ZNF624: variants seen among roughly 807,000 people sequenced by gnomAD.
ZNF624 encodes zinc finger protein 624.
ZNF624 carries 43 observed loss-of-function variants against 74.7 expected under a neutral mutation model. That is an observed-to-expected ratio of 0.58 (90% CI 0.45 to 0.74). The LOEUF (loss-of-function observed/expected upper bound fraction) is 0.74. Among genes scored for constraint, ZNF624 ranks in the 30% least tolerant of loss-of-function variants. ZNF624 has a pLI of 0.00. For missense variants in ZNF624, 820 were observed against 1,030.0 expected (o/e 0.80, Z 2.79); for synonymous variants, 331 against 341.3 (o/e 0.97, Z 0.33).
chr17:16,633,796 G>T, intron 5 of ZNF624, 66 bp downstream of exon 5: 2 of 1,221,960 alleles, frequency 1.6e-6, no homozygotes, highest in Non-Finnish European at 2.4e-6. Flanking sequence ...CAGATGTTCT[G>T]GTGAACATCC....
chr17:16,623,766 G>A lies in ZNF624; in HGVS notation c.1120C>T (p.Arg374Cys), dbSNP rs868549698. 2.4e-5 allele frequency: 38 copies of A among 1,613,850 alleles called. No homozygotes were observed. The highest frequency in any genetic ancestry group is 3.0e-5 in the Non-Finnish European group (35 of 1,180,006). The stretch of plus-strand genomic sequence containing the variant: ...TGAATTCTCTGGTGCTGATTAAGAC[G>A]GGCACACTGGCTAAAAGATTTCCCA... ...VCGKSFSQCA[R>C]LNQHQRIQTG... The change falls in exon 6 of 6, where the codon CGT becomes TGT. Residue 374 changes from arginine (R) to cysteine (C), a missense_variant. Physicochemically the swap from Arg to Cys is radical, Grantham distance 180. Coordinates refer to ENST00000311331, the MANE Select transcript of ZNF624 (RefSeq NM_020787.4). The surrounding 1 kb of genome is among the most constrained non-coding windows in gnomAD (Gnocchi z 5.3).
chr17:16,636,421 A>G (rs943389316), intron 3 of ZNF624, among the ~76,000 whole-genome samples: 3 of 152,350 alleles, frequency 2.0e-5, no homozygotes, highest in Non-Finnish European at 2.9e-5. Context: ...TGCAACTACT[A>G]ATGAATTAAA....
intron 4 of ZNF624, 133 bp downstream of exon 4, chr17:16,634,497 G>A: frequency 2.2e-6 from 2 of 901,156 alleles, no homozygotes; most frequent in South Asian, 3.8e-5. Flanking sequence ...GTAGTTAAGA[G>A]TGAGGAATAG....
At chr17:16,647,451 A>C in intron 2 of ZNF624, 57 bp from the exon 3 acceptor site, 2 of 1,421,090 alleles carry the variant, frequency 1.4e-6, no homozygotes, top group Non-Finnish European at 2.0e-6. Flanking sequence ...CTTACAGCAG[A>C]GCCTCAACAA....
At position 16,621,945 on chromosome 17, in the gene ZNF624, C is replaced by A. The variant is rs757118489; in HGVS notation, c.*343G>T. The A allele has an allele frequency of 6.2e-5, 10 of 161,690 alleles. No homozygotes were observed. The highest frequency in any genetic ancestry group is 1.1e-4 in the Non-Finnish European group (8 of 74,858). 10.0% of individuals were successfully genotyped at this position (161,690 alleles called of 1,614,324 possible). ...CTACATAATGACAAAGGATTAATATCAAAAATATATAAAAAGCACCTCCAG... is the reference window on the plus strand; with the variant it reads ...CTACATAATGACAAAGGATTAATATAAAAAATATATAAAAAGCACCTCCAG... On this transcript the variant is annotated 3_prime_UTR_variant, in exon 6 of 6. Coordinates refer to ENST00000311331, the MANE Select transcript of ZNF624 (RefSeq NM_020787.4).
Position 16,623,065 on chromosome 17 carries a change from A to G in ZNF624, c.1821T>C (p.Thr607=), listed in dbSNP as rs146838657. Residue 607 remains threonine (T), a synonymous_variant, in exon 6 of 6, where the codon ACT becomes ACC. Coordinates refer to ENST00000311331, the MANE Select transcript of ZNF624 (RefSeq NM_020787.4). This position sits in a 1 kb window ranked among gnomAD's most constrained non-coding sequence, Gnocchi z 5.3. ...SHLTVHQRIH[T]GEKPYKCTDC... ...CAGTACATTTATATGGTTTCTCTCC[A>G]GTGTGAATTCTCTGATGTACAGTTA... 1.8e-5 allele frequency: 29 copies of G among 1,614,062 alleles called. No homozygotes were observed. In the African/African-American group the frequency reaches 2.5e-4, roughly 14 times the overall value.
rs1285521115 is a variant in ZNF624 at position 16,633,879 on chromosome 17, G to A, written c.359C>T (p.Ser120Leu). ...TAACTCACCAGGATAGGGAATTCTT[G>A]AAATTTCTCTCACCGTCACCCATGG... is the stretch of plus-strand genomic sequence containing the variant. The part of the protein sequence containing the change: ...KGPWVTVREI[S>L]RIPYPDMEPK... The change falls in exon 5 of 6, where the codon TCA (serine) becomes TTA (leucine). Residue 120 changes from serine to leucine, a missense_variant. By Grantham distance (145) the Ser-to-Leu change is moderately radical. Transcript: ENST00000311331. 2 of 1,613,312 alleles carry A rather than the reference G, an allele frequency of 1.2e-6. No individual in the cohort carries two copies. The highest frequency in any genetic ancestry group is 1.3e-5 in the African/African-American group (1 of 74,898).
In ZNF624 at chr17:16,621,515, T is replaced by C. The variant is rs1361203806; in HGVS notation, c.*773A>G. On this transcript the variant is annotated 3_prime_UTR_variant, in exon 6 of 6. Coordinates refer to ENST00000311331, the MANE Select transcript of ZNF624 (RefSeq NM_020787.4). Reference sequence around the variant, plus strand: ...AGTATGTTACACAACCTTTAAGTAATAGTACATGGTTTCCCAAACCCCAAT... The same window carrying C: ...AGTATGTTACACAACCTTTAAGTAACAGTACATGGTTTCCCAAACCCCAAT... 6.6e-6 allele frequency: 1 copy of C among 152,244 alleles called. No homozygotes were observed. The highest frequency in any genetic ancestry group is 1.5e-5 in the Non-Finnish European group (1 of 68,048). The allele number at this position is 152,244 out of a possible 1,614,324, so 9.4% of individuals were successfully genotyped here. A position where few individuals can be genotyped will look rare whatever the true frequency, so the allele number is the denominator to read the frequency against.
chr17:16,639,414 T>C (rs533898694), intron 3 of ZNF624, among the ~76,000 whole-genome samples: 1 of 152,338 alleles, frequency 6.6e-6, no homozygotes, highest in East Asian at 1.9e-4. Flanking sequence ...TCATAAACTT[T>C]ATTGTTAATC....
chr17:16,639,455 G>T (rs1909415825), intron 3 of ZNF624, among the ~76,000 whole-genome samples: 1 of 151,970 alleles, frequency 6.6e-6, no homozygotes, highest in South Asian at 2.1e-4. Flanking sequence ...CAATGTACTG[G>T]GTTTTGTTTT....
At chr17:16,645,298 CATG>C (rs1909561951) in intron 3 of ZNF624, among the ~76,000 whole-genome samples, 1 of 152,070 alleles carries the variant, frequency 6.6e-6, no homozygotes, top group South Asian at 2.1e-4. Flanking sequence ...ATTAGCCGGA[CATG>C]GTGGTGGGTG....
downstream of ZNF624, chr17:16,620,664 C>A (rs1908886295): frequency 6.6e-6 from 1 of 152,190 alleles, no homozygotes; most frequent in South Asian, 2.1e-4. Context: ...ACCTCTCCCC[C>A]TCATTGTATA....
In ZNF624 at chr17:16,652,439, A is replaced by G. The variant is rs1012417216; in HGVS notation, c.-3+1325T>C. On this transcript the variant is annotated intron_variant, in intron 1 of 5. Transcript: ENST00000311331. Reference sequence around the variant, plus strand: ...TTCTGCATCTTTAACATTTATCAAGAGTGAGCTGAGTCATCATTTTTAAAA... The same window carrying G: ...TTCTGCATCTTTAACATTTATCAAGGGTGAGCTGAGTCATCATTTTTAAAA... 3.3e-5 allele frequency among the ~76,000 whole-genome samples: 5 copies of G among 152,314 alleles called. No individual in the cohort carries two copies. The South Asian group carries it at 1.0e-3, about 32-fold the overall frequency.
At chr17:16,615,477 C>T in the ZNF624 span, among the ~76,000 whole-genome samples, 2 of 152,132 alleles carry the variant, frequency 1.3e-5, no homozygotes, top group Admixed American at 1.3e-4. Context: ...GAACTGTACA[C>T]ATAATGGCTA....
chr17:16,630,423 G>A (rs945194543), intron 5 of ZNF624, among the ~76,000 whole-genome samples: 3 of 152,074 alleles, frequency 2.0e-5, no homozygotes, highest in Non-Finnish European at 2.9e-5. Flanking sequence ...TGGGCATGGT[G>A]GTGCATGCCT....
downstream of ZNF624, among the ~76,000 whole-genome samples, chr17:16,616,471 C>T (rs1188457993): frequency 1.3e-5 from 2 of 152,212 alleles, no homozygotes; most frequent in East Asian, 3.9e-4. Context: ...GCATTCAAAG[C>T]TCAAAACAGT....
At chr17:16,640,524 GAA>G (rs747914893) in intron 3 of ZNF624, among the ~76,000 whole-genome samples, 1 of 151,122 alleles carries the variant, frequency 6.6e-6, no homozygotes, top group Admixed American at 6.6e-5. Flanking sequence ...GAGTGACTAA[GAA>G]AAAAAAGAGA....
intron 1 of ZNF624, among the ~76,000 whole-genome samples, chr17:16,652,794 C>T (rs956348830): frequency 2.0e-5 from 3 of 152,172 alleles, no homozygotes; most frequent in Non-Finnish European, 4.4e-5. Context: ...GGAATAAAAT[C>T]CCAGAGTGGC....
At chr17:16,629,236 CT>C (rs543784903) in intron 5 of ZNF624, among the ~76,000 whole-genome samples, 169 of 127,362 alleles carry the variant, frequency 1.3e-3, no homozygotes, top group African/African-American at 3.9e-3. Flanking sequence ...GTCTCTCTCT[CT>C]TTTTTTTTTT....
Sources: gnomAD v4.1 joint callset for allele counts (sites outside exome capture counted in the v4.1 genomes callset) on GRCh38, gnomAD v4.1.1 for gene constraint, Gnocchi (gnomAD v3.1) non-coding constraint, MANE v1.5 for transcripts, NCBI Gene and HGNC (gene_info 2026-07-23, HGNC 2026-07-21) for gene names.